The following PDE7B variants were observed in gnomAD, a reference collection of about 807,000 sequenced individuals.
The protein encoded by PDE7B is phosphodiesterase 7B, also known as 3',5'-cyclic-AMP phosphodiesterase 7B.
In PDE7B, 29 loss-of-function variants were observed where a neutral mutation model predicts 56.2. The ratio of observed to expected loss-of-function variants is 0.52; its 90% CI spans 0.38 to 0.70. The LOEUF (loss-of-function observed/expected upper bound fraction) is 0.70, where lower values mean the gene tolerates loss of function less well. PDE7B is among the 30% of genes least tolerant of loss of function. The pLI, the probability that PDE7B is intolerant of heterozygous loss-of-function variation, is 0.00. For synonymous variants in PDE7B, 197 were observed against 196.9 expected, an observed-to-expected ratio of 1.00 and a Z score of 0.00; for missense variants, 490 against 565.0, an observed-to-expected ratio of 0.87 and a Z score of 1.35.
At chr6:135,903,900 T>TC (rs1776050094) in intron 1 of PDE7B, among the ~76,000 whole-genome samples, 1 of 152,136 alleles carries the variant, frequency 6.6e-6, no homozygotes, top group African/African-American at 2.4e-5. Flanking sequence ...GAAGGTGAAA[T>TC]ATATGAGAAA....
At chr6:136,004,469 G>C (rs531634415) in intron 2 of PDE7B, among the ~76,000 whole-genome samples, 4,469 of 151,752 alleles carry the variant, frequency 0.029, 209 homozygotes, top group African/African-American at 0.1. Flanking sequence ...GTCTCAGCTC[G>C]AAATCTCCTT....
intron 11 of PDE7B, among the ~76,000 whole-genome samples, chr6:136,184,972 G>C (rs1346545896): frequency 6.6e-6 from 1 of 152,100 alleles, no homozygotes; most frequent in East Asian, 1.9e-4. Flanking sequence ...GAAGGGAAGG[G>C]AGAAGTCAAA....
intron 8 of PDE7B, among the ~76,000 whole-genome samples, chr6:136,156,988 T>A (rs1245787446): frequency 6.6e-6 from 1 of 152,222 alleles, no homozygotes; most frequent in Non-Finnish European, 1.5e-5. Flanking sequence ...CTGTGCCAAA[T>A]GCCTTTGATG....
At chr6:136,171,883 C>T (rs1167590516) in intron 8 of PDE7B, among the ~76,000 whole-genome samples, 1 of 148,550 alleles carries the variant, frequency 6.7e-6, no homozygotes, top group Non-Finnish European at 1.5e-5. Flanking sequence ...TGAGAATATG[C>T]AGTGTTTGGT....
chr6:136,152,345 T>G (rs1778534509), intron 6 of PDE7B, among the ~76,000 whole-genome samples: 1 of 152,184 alleles, frequency 6.6e-6, no homozygotes, highest in African/African-American at 2.4e-5. Context: ...TAAAAAATAA[T>G]AATAACTACC....
intron 2 of PDE7B, among the ~76,000 whole-genome samples, chr6:136,103,475 T>C (rs1408706411): frequency 6.6e-6 from 1 of 152,228 alleles, no homozygotes; most frequent in Non-Finnish European, 1.5e-5. Context: ...ACAAAGCTTC[T>C]AGCTGAGATG....
chr6:135,869,291 T>G (rs1186673304), intron 1 of PDE7B, among the ~76,000 whole-genome samples: 7 of 152,152 alleles, frequency 4.6e-5, no homozygotes, highest in Non-Finnish European at 1.0e-4. Context: ...ATATATTTAG[T>G]ACATATACTA....
chr6:136,122,001 CTTT>C (rs555401670), intron 3 of PDE7B, among the ~76,000 whole-genome samples: 1 of 145,916 alleles, frequency 6.9e-6, no homozygotes, highest in African/African-American at 2.5e-5. Context: ...AATTTATAAT[CTTT>C]TTTTTTTTTG....
At chr6:135,852,988 G>A (rs1039548647) in intron 1 of PDE7B, among the ~76,000 whole-genome samples, 1 of 152,156 alleles carries the variant, frequency 6.6e-6, no homozygotes, top group Admixed American at 6.5e-5. Flanking sequence ...TGTTTTCAGT[G>A]GCACATTATT....
chr6:135,857,022 TTTCCTCCC>T (rs202208067), intron 1 of PDE7B, among the ~76,000 whole-genome samples: 1 of 114,866 alleles, frequency 8.7e-6, no homozygotes, highest in African/African-American at 3.7e-5. Flanking sequence ...TCTTACTCCT[TTTCCTCCC>T]TCCCTCCCTC....
At chr6:136,056,692 C>A (rs1273325089) in intron 2 of PDE7B, among the ~76,000 whole-genome samples, 3 of 151,714 alleles carry the variant, frequency 2.0e-5, no homozygotes, top group Admixed American at 1.3e-4. Context: ...CCACCACACC[C>A]AGCTAATTTT....
chr6:136,188,289 A>G (rs998024358), intron 12 of PDE7B, among the ~76,000 whole-genome samples: 1 of 152,068 alleles, frequency 6.6e-6, no homozygotes, highest in African/African-American at 2.4e-5. Context: ...ATTGTCCTTA[A>G]TATTGTTATG....
At chr6:135,947,265 G>A (rs1774610229) in intron 1 of PDE7B, among the ~76,000 whole-genome samples, 199 bp from the exon 2 acceptor site, 1 of 152,092 alleles carries the variant, frequency 6.6e-6, no homozygotes, top group Admixed American at 6.6e-5. Flanking sequence ...AAGGCATGCA[G>A]AAACAATCTA....
At chr6:135,961,415 T>C (rs1774900624) in intron 2 of PDE7B, among the ~76,000 whole-genome samples, 1 of 152,048 alleles carries the variant, frequency 6.6e-6, no homozygotes, top group Non-Finnish European at 1.5e-5. Context: ...TAACACTCAA[T>C]GATTAACTTA....
intron 1 of PDE7B, among the ~76,000 whole-genome samples, chr6:135,861,607 CT>C (rs1309188466): frequency 1.3e-5 from 2 of 150,912 alleles, no homozygotes; most frequent in African/African-American, 4.8e-5. Flanking sequence ...TTTTATTCTT[CT>C]CAAGATTGTT....
intron 2 of PDE7B, among the ~76,000 whole-genome samples, chr6:136,092,335 A>T (rs1233412933): frequency 6.6e-6 from 1 of 152,252 alleles, no homozygotes; most frequent in East Asian, 1.9e-4. Context: ...ATATTTGCAG[A>T]TATGTTTGCA....
chr6:135,967,730 T>A (rs1434680785), intron 2 of PDE7B, among the ~76,000 whole-genome samples: 1 of 152,226 alleles, frequency 6.6e-6, no homozygotes, highest in Non-Finnish European at 1.5e-5. Flanking sequence ...TTGGCTTATC[T>A]GCTTTCTCCA....
intron 2 of PDE7B, among the ~76,000 whole-genome samples, chr6:136,023,797 TATATC>T (rs145194811): frequency 0.024 from 3,587 of 152,214 alleles, 51 homozygotes; most frequent in Non-Finnish European, 0.037. Flanking sequence ...TATAAATAGA[TATATC>T]TATATATGTA....
chr6:136,110,539 T>C (rs1777726264), intron 3 of PDE7B, among the ~76,000 whole-genome samples: 1 of 152,216 alleles, frequency 6.6e-6, no homozygotes, highest in Non-Finnish European at 1.5e-5. Context: ...GTTTCTAATA[T>C]GAACCACAAA....
Sources: allele counts gnomAD v4.1 joint callset (sites outside exome capture counted in the v4.1 genomes callset), GRCh38; gene constraint gnomAD v4.1.1; transcripts MANE v1.5; gene names NCBI Gene and HGNC (gene_info 2026-07-23, HGNC 2026-07-21).